Variants in RGS6 observed in about 807,000 individuals in gnomAD.
RGS6 encodes the protein regulator of G protein signaling 6.
Under a neutral mutation model 78.5 loss-of-function variants are expected in RGS6, and 30 were observed. That is an observed-to-expected ratio of 0.38 (90% confidence interval 0.29 to 0.52). The LOEUF is 0.52. Among genes scored for constraint, RGS6 ranks in the 20% least tolerant of loss-of-function variants. RGS6 has a pLI of 0.85. For missense variants in RGS6, 495 were observed against 609.7 expected, an observed-to-expected ratio of 0.81 and a Z score of 1.98; for synonymous variants, 206 against 206.0, an observed-to-expected ratio of 1.00 and a Z score of 0.00.
At chr14:72,037,372 A>T (rs1171493167) in intron 2 of RGS6, among the ~76,000 whole-genome samples, 8 of 152,194 alleles carry the variant, frequency 5.3e-5, no homozygotes, top group African/African-American at 1.7e-4. Flanking sequence ...TGTAACACTC[A>T]CTGCGAAGGT....
At position 72,250,243 on chromosome 14, in the gene RGS6, A is replaced by T. The variant is rs180921225; in HGVS notation, c.85-101852A>T. ...TACCCTAAAACTTAAACTATAATAA[A>T]AAAAAAAAGTAACTGTGTTTTCTTC... On this transcript the variant is annotated intron_variant, in intron 2 of 17. Coordinates refer to ENST00000553525, the MANE Select transcript of RGS6 (RefSeq NM_001204424.2). Among the ~76,000 whole-genome samples, 44 of 151,824 alleles carry T rather than the reference A, an allele frequency of 2.9e-4. 1 individual carries two copies. The East Asian group carries it at 7.6e-3, about 26-fold the overall frequency.
intron 2 of RGS6, among the ~76,000 whole-genome samples, chr14:72,187,193 A>G (rs1297062712): frequency 2.6e-5 from 4 of 152,244 alleles, no homozygotes; most frequent in Admixed American, 2.6e-4. Context: ...TAACATCAAG[A>G]AACTTGAGCC....
At chr14:72,410,359 A>C (rs1251687474) in intron 3 of RGS6, among the ~76,000 whole-genome samples, 5 of 152,196 alleles carry the variant, frequency 3.3e-5, no homozygotes, top group Non-Finnish European at 7.3e-5. Flanking sequence ...GGCTGCATAA[A>C]TGTCTTCTTT....
chr14:72,167,014 A>G (rs2096937385), intron 2 of RGS6, among the ~76,000 whole-genome samples: 1 of 151,294 alleles, frequency 6.6e-6, no homozygotes, highest in Non-Finnish European at 1.5e-5. Flanking sequence ...AACCTATTTT[A>G]ATCCCTTACT....
chr14:72,490,107 C>T (rs1401592874), intron 12 of RGS6, among the ~76,000 whole-genome samples: 3 of 152,122 alleles, frequency 2.0e-5, no homozygotes, highest in Non-Finnish European at 2.9e-5. Flanking sequence ...ACCCAGATCT[C>T]GTCTTGAATT....
At chr14:72,466,331 T>C (rs2095910688) in intron 7 of RGS6, among the ~76,000 whole-genome samples, 1 of 152,234 alleles carries the variant, frequency 6.6e-6, no homozygotes, top group East Asian at 1.9e-4. Context: ...TGGCAGTTTC[T>C]TATAAAGTTA....
At chr14:72,430,471 A>G (rs1297299585) in intron 3 of RGS6, among the ~76,000 whole-genome samples, 2 of 152,188 alleles carry the variant, frequency 1.3e-5, no homozygotes, top group Non-Finnish European at 2.9e-5. Context: ...TTCTGCAGAC[A>G]GAGGAGGGGG....
the RGS6 span, chr14:72,619,383 C>CA: frequency 1.3e-6 from 2 of 1,536,056 alleles, no homozygotes; most frequent in South Asian, 2.4e-5. Flanking sequence ...AGAAATGAGA[C>CA]GGCTTTAGTA....
chr14:72,267,505 T>C (rs1212819004), intron 2 of RGS6, among the ~76,000 whole-genome samples: 1 of 152,204 alleles, frequency 6.6e-6, no homozygotes, highest in Non-Finnish European at 1.5e-5. Context: ...TACAGACAAG[T>C]AACTTTTTTG....
intron 3 of RGS6, among the ~76,000 whole-genome samples, chr14:72,390,902 C>G (rs1596638319): frequency 6.6e-6 from 1 of 152,140 alleles, no homozygotes; most frequent in Non-Finnish European, 1.5e-5. Context: ...AGTGACCTGA[C>G]TCTCGTAAGT....
At chr14:72,396,067 C>T (rs915710558) in intron 3 of RGS6, among the ~76,000 whole-genome samples, 5 of 152,146 alleles carry the variant, frequency 3.3e-5, no homozygotes, top group African/African-American at 4.8e-5. Flanking sequence ...ATGGCTGGGT[C>T]AAATGATATT....
At chr14:71,986,703 C>T (rs747606720) in intron 2 of RGS6, among the ~76,000 whole-genome samples, 2 of 151,978 alleles carry the variant, frequency 1.3e-5, no homozygotes, top group African/African-American at 4.8e-5. Context: ...AGAGTGAGAC[C>T]CTGTCTCAAA....
At chr14:72,604,636 C>T in the RGS6 span, among the ~76,000 whole-genome samples, 2 of 152,066 alleles carry the variant, frequency 1.3e-5, no homozygotes, top group Non-Finnish European at 2.9e-5. Flanking sequence ...CCTCTGTGGA[C>T]ACAGATGACC....
At chr14:72,242,277 G>A (rs996791897) in intron 2 of RGS6, among the ~76,000 whole-genome samples, 3 of 152,192 alleles carry the variant, frequency 2.0e-5, no homozygotes, top group Non-Finnish European at 4.4e-5. Flanking sequence ...GCTTTTCAGT[G>A]ATAATGGGAA....
At chr14:72,520,090 A>G (rs2097013660) in intron 15 of RGS6, among the ~76,000 whole-genome samples, 3 of 152,190 alleles carry the variant, frequency 2.0e-5, no homozygotes, top group African/African-American at 7.2e-5. Context: ...TTCACCTGCC[A>G]CCAGGTTACT....
intron 1 of RGS6, among the ~76,000 whole-genome samples, chr14:71,944,945 C>T (rs143490946): frequency 1.1e-3 from 171 of 152,174 alleles, no homozygotes; most frequent in Admixed American, 2.4e-3. Flanking sequence ...GCAATTGTAG[C>T]GCAGTGGTGT....
intron 6 of RGS6, among the ~76,000 whole-genome samples, chr14:72,460,544 G>A (rs1018616803): frequency 4.6e-5 from 7 of 152,180 alleles, no homozygotes; most frequent in Non-Finnish European, 1.0e-4. Flanking sequence ...TCACTAGAGG[G>A]AGCAGAACTT....
At chr14:72,428,128 G>T (rs974326718) in intron 3 of RGS6, among the ~76,000 whole-genome samples, 7 of 152,168 alleles carry the variant, frequency 4.6e-5, no homozygotes. Flanking sequence ...AGATGTTCCA[G>T]ATGTGTGTGT....
intron 2 of RGS6, among the ~76,000 whole-genome samples, chr14:72,139,323 T>C (rs922183513): frequency 3.3e-5 from 5 of 152,226 alleles, no homozygotes; most frequent in African/African-American, 9.6e-5. Context: ...TCTTCTAATA[T>C]AGGCCTTTTC....
Sources: gnomAD v4.1 joint callset for allele counts (sites outside exome capture counted in the v4.1 genomes callset) on GRCh38, gnomAD v4.1.1 for gene constraint, MANE v1.5 for transcripts, NCBI Gene and HGNC (gene_info 2026-07-23, HGNC 2026-07-21) for gene names.